Variants in TBXAS1 observed in about 807,000 individuals in gnomAD.
TBXAS1 encodes the protein thromboxane-A synthase.
In TBXAS1, 48 loss-of-function variants were observed where a neutral mutation model predicts 60.7. The observed-to-expected ratio is 0.79, with a 90% confidence interval of 0.63 to 1.01. The LOEUF is 1.01. Ranked by LOEUF, TBXAS1 falls within the 50% of genes least tolerant of loss-of-function variation. The probability of loss-of-function intolerance (pLI) is 0.00; values close to 1 mark genes in which losing one functional copy is unlikely to be tolerated. For synonymous variants in TBXAS1, 287 were observed against 269.7 expected, an observed-to-expected ratio of 1.06 and a Z score of -0.63; for missense variants, 685 against 686.3, an observed-to-expected ratio of 1.00 and a Z score of 0.02.
chr7:139,873,671 G>A (rs1801995431), intron 2 of TBXAS1, among the ~76,000 whole-genome samples: 2 of 152,158 alleles, frequency 1.3e-5, no homozygotes, highest in African/African-American at 2.4e-5. Context: ...TATGTTGCTT[G>A]GGATTTGCCA....
At chr7:139,849,344 A>C (rs998382208) in intron 1 of TBXAS1, among the ~76,000 whole-genome samples, 2 of 152,028 alleles carry the variant, frequency 1.3e-5, no homozygotes, top group Admixed American at 1.3e-4. Context: ...GCACCACTGC[A>C]CTTCCAACAG....
chr7:139,791,790 A>G (rs1028144066), intron 4 of TBXAS1, among the ~76,000 whole-genome samples: 5 of 144,280 alleles, frequency 3.5e-5, no homozygotes, highest in Non-Finnish European at 6.0e-5. Context: ...TTTTCTTTAC[A>G]TATCTTTGGA....
chr7:139,939,671 G>A (rs1249827145), intron 5 of TBXAS1, among the ~76,000 whole-genome samples: 1 of 151,880 alleles, frequency 6.6e-6, no homozygotes, highest in Non-Finnish European at 1.5e-5. Flanking sequence ...GGTGGGAGGG[G>A]GAAGAAAGAT....
chr7:139,881,216 T>C (rs1412242335), intron 3 of TBXAS1, among the ~76,000 whole-genome samples: 1 of 152,226 alleles, frequency 6.6e-6, no homozygotes, highest in East Asian at 1.9e-4. Context: ...TATCATTGTC[T>C]TTGACTTTGC....
At chr7:139,987,788 T>C (rs1002379542) in intron 9 of TBXAS1, among the ~76,000 whole-genome samples, 4 of 152,250 alleles carry the variant, frequency 2.6e-5, no homozygotes, top group African/African-American at 7.2e-5. Flanking sequence ...ATCTGTATTA[T>C]GGCTGCCCTA....
chr7:139,810,557 A>C (rs906423598), intron 4 of TBXAS1, among the ~76,000 whole-genome samples: 13 of 152,246 alleles, frequency 8.5e-5, no homozygotes, highest in Admixed American at 4.6e-4. Context: ...CATTTTAATG[A>C]CACAGACTCT....
At chr7:139,858,836 T>C (rs1019042045) in intron 1 of TBXAS1, among the ~76,000 whole-genome samples, 1 of 152,232 alleles carries the variant, frequency 6.6e-6, no homozygotes, top group African/African-American at 2.4e-5. Flanking sequence ...AAATCTTTCA[T>C]TATAAAGCAT....
chr7:139,959,091 C>T (rs1433890524), intron 8 of TBXAS1, among the ~76,000 whole-genome samples: 3 of 151,926 alleles, frequency 2.0e-5, no homozygotes, highest in East Asian at 3.9e-4. Context: ...ACTGTTGCAT[C>T]GAATGACTTA....
At chr7:139,811,678 G>A (rs944335669) in intron 4 of TBXAS1, among the ~76,000 whole-genome samples, 4 of 152,210 alleles carry the variant, frequency 2.6e-5, no homozygotes, top group African/African-American at 2.4e-5. Flanking sequence ...AACCACATGA[G>A]TGACTAACCC....
intron 3 of TBXAS1, among the ~76,000 whole-genome samples, chr7:139,909,254 C>T (rs1012964278): frequency 6.6e-6 from 1 of 152,056 alleles, no homozygotes; most frequent in Admixed American, 6.5e-5. Context: ...TTTCTTCAAG[C>T]CAAGGTGACT....
At chr7:139,921,892 A>G (rs142935143) in intron 4 of TBXAS1, among the ~76,000 whole-genome samples, 1 of 152,258 alleles carries the variant, frequency 6.6e-6, no homozygotes, top group Non-Finnish European at 1.5e-5. Context: ...GGGTTTTTGT[A>G]CATACTGCCA....
chr7:139,894,672 G>T (rs568281604), intron 3 of TBXAS1, among the ~76,000 whole-genome samples: 1 of 152,164 alleles, frequency 6.6e-6, no homozygotes, highest in Admixed American at 6.5e-5. Flanking sequence ...TTTCTGGAAG[G>T]TGTGTCCCCC....
chr7:139,897,627 G>T (rs1804214428), intron 3 of TBXAS1, among the ~76,000 whole-genome samples: 1 of 152,120 alleles, frequency 6.6e-6, no homozygotes. Context: ...ACCAGGGATT[G>T]TACCAGCCTG....
chr7:139,994,048 T>C (rs1398070904), intron 9 of TBXAS1, among the ~76,000 whole-genome samples: 2 of 151,984 alleles, frequency 1.3e-5, no homozygotes, highest in Non-Finnish European at 2.9e-5. Flanking sequence ...CATGCCCAGC[T>C]GATTTTTTTT....
chr7:139,970,690 T>C (rs1304946771), intron 9 of TBXAS1, among the ~76,000 whole-genome samples: 1 of 152,260 alleles, frequency 6.6e-6, no homozygotes, highest in Non-Finnish European at 1.5e-5. Flanking sequence ...CCAATCCTAA[T>C]ACATGTTAGA....
At chr7:139,960,732 C>CAAAAAA (rs538201159) in intron 8 of TBXAS1, among the ~76,000 whole-genome samples, 1 of 72,422 alleles carries the variant, frequency 1.4e-5, no homozygotes. Flanking sequence ...GGTGACAGAG[C>CAAAAAA]AAAAAAAAAA....
intron 3 of TBXAS1, among the ~76,000 whole-genome samples, chr7:139,882,116 A>T (rs1802744890): frequency 6.6e-6 from 1 of 152,144 alleles, no homozygotes; most frequent in African/African-American, 2.4e-5. Flanking sequence ...TACTATTTAG[A>T]TGGGGTTGAA....
intron 5 of TBXAS1, among the ~76,000 whole-genome samples, chr7:139,943,207 G>A (rs549717297): frequency 4.6e-4 from 70 of 152,088 alleles, no homozygotes; most frequent in Non-Finnish European, 7.1e-4. Context: ...AAAAATGAAC[G>A]TCATTATAAC....
In TBXAS1 at chr7:139,959,007, T is replaced by TCACACACA. The variant is rs8192836; in HGVS notation, c.819+1267_819+1274dup. On this transcript the variant is annotated intron_variant, in intron 8 of 12. Coordinates refer to ENST00000448866, the MANE Select transcript of TBXAS1 (RefSeq NM_001061.7). Reference sequence around the variant, plus strand: ...ACTAAGGGCCACCTTTTGAGAGTGTTCACACACACACACACACACACACAC... The same window carrying TCACACACA: ...ACTAAGGGCCACCTTTTGAGAGTGTTCACACACACACACACACACACACACACACACAC... Among the ~76,000 whole-genome samples the TCACACACA allele has an allele frequency of 2.0e-3, 303 of 149,838 alleles. 2 individuals are homozygous for TCACACACA. Among genetic ancestry groups the TCACACACA allele is most frequent in the South Asian group, 4.0e-3 (19 of 4,722 alleles).
Sources: gnomAD v4.1 joint callset for allele counts (sites outside exome capture counted in the v4.1 genomes callset) on GRCh38, gnomAD v4.1.1 for gene constraint, MANE v1.5 for transcripts, NCBI Gene and HGNC (gene_info 2026-07-23, HGNC 2026-07-21) for gene names.